The following TAF15 variants were observed in gnomAD, a reference collection of about 807,000 sequenced individuals.
The protein encoded by TAF15 is TATA-box binding protein associated factor 15, also known as TATA-binding protein-associated factor 2N.
Under a neutral mutation model 102.5 loss-of-function variants are expected in TAF15, and 37 were observed. The ratio of observed to expected loss-of-function variants is 0.36; its 90% CI spans 0.28 to 0.47. The LOEUF is 0.47. Among genes scored for constraint, TAF15 ranks in the 20% least tolerant of loss-of-function variants. TAF15 has a pLI of 0.99. For missense variants in TAF15, 652 were observed against 760.7 expected (o/e 0.86, Z 1.68); for synonymous variants, 273 against 259.2 (o/e 1.05, Z -0.51).
chr17:35,827,925 G>A (rs542402953), intron 7 of TAF15, among the ~76,000 whole-genome samples: 5 of 151,816 alleles, frequency 3.3e-5, no homozygotes, highest in African/African-American at 1.2e-4. Context: ...AGCAATTGTA[G>A]CAAAAAAAAA....
rs757219694 is a variant in TAF15, at chr17:35,844,632, G to A, written c.1333G>A (p.Gly445Ser). The stretch of plus-strand genomic sequence containing the variant: ...CTACAGCGGAGATAGAAGTGGGGGC[G>A]GCTATGGTGGAGACAGAAGTGGGGG... ...GGYSGDRSGG[G>S]YGGDRSGGGY... The change falls in exon 15 of 16, where the codon GGC becomes AGC. Residue 445 changes from glycine (G) to serine (S), a missense_variant. By Grantham distance (56) the Gly-to-Ser change is moderately conservative. Transcript: ENST00000605844. 35 of 1,602,958 alleles carry A rather than the reference G, an allele frequency of 2.2e-5. No individual in the cohort carries two copies. The highest frequency in any genetic ancestry group is 2.7e-5 in the Non-Finnish European group (32 of 1,173,388).
At position 35,844,287 on chromosome 17, in the gene TAF15, G is replaced by A. The variant is rs774779964; in HGVS notation, c.1096G>A (p.Gly366Arg). 8.1e-6 allele frequency: 13 copies of A among 1,614,012 alleles called. No homozygotes were observed. Among genetic ancestry groups the A allele is most frequent in the Admixed American group, 1.7e-5 (1 of 60,000 alleles). The change falls in exon 14 of 16, where the codon GGA becomes AGA. Residue 366 changes from glycine to arginine, a missense_variant. By Grantham distance (125) the Gly-to-Arg change is moderately radical. Coordinates refer to ENST00000605844, the MANE Select transcript of TAF15 (RefSeq NM_139215.3). ...ATTTTCCTCCTTTCTTAGGTCATGC[G>A]GAAATATGAACTTTGCTCGAAGGAA... ...GDWVCPNPSC[G>R]NMNFARRNSC... is the part of the protein sequence containing the mutation.
At position 35,844,646 on chromosome 17, in the gene TAF15, C is replaced by CAGAAGTGGGGGTGGCTATGGTGGAGAT. The variant is rs2087591448; in HGVS notation, c.1370_1371insAGATAGAAGTGGGGGTGGCTATGGTGG (p.Ser451_Arg459dup). 6.4e-7 allele frequency: 1 copy of CAGAAGTGGGGGTGGCTATGGTGGAGAT among 1,568,476 alleles called. No homozygotes were observed. Among genetic ancestry groups the CAGAAGTGGGGGTGGCTATGGTGGAGAT allele is most frequent in the African/African-American group, 1.5e-5 (1 of 65,440 alleles). On this transcript the variant is annotated inframe_insertion, in exon 15 of 16. Transcript: ENST00000605844. ...GAAGTGGGGGCGGCTATGGTGGAGACAGAAGTGGGGGTGGCTATGGTGGGG... is the reference window on the plus strand; with the variant it reads ...GAAGTGGGGGCGGCTATGGTGGAGACAGAAGTGGGGGTGGCTATGGTGGAGATAGAAGTGGGGGTGGCTATGGTGGGG...
At chr17:35,844,226 G>T (rs2087581984) in intron 13 of TAF15, 54 bp from the exon 14 acceptor site, 2 of 1,610,032 alleles carry the variant, frequency 1.2e-6, no homozygotes, top group Admixed American at 1.7e-5. Flanking sequence ...ACAGAAAGGG[G>T]TTCTGAGTCC....
intron 8 of TAF15, 116 bp from the exon 9 acceptor site, chr17:35,834,450 C>T (rs2087445817): frequency 1.1e-6 from 1 of 887,474 alleles, no homozygotes; most frequent in Non-Finnish European, 1.8e-6. Context: ...TGATGGTTGA[C>T]TTTCAAGGAT....
Position 35,846,821 on chromosome 17 carries a change from A to G in TAF15, c.1740-85A>G, listed in dbSNP as rs1017917983. On this transcript the variant is annotated intron_variant, in intron 15 of 15. Coordinates refer to ENST00000605844, the MANE Select transcript of TAF15 (RefSeq NM_139215.3). ...TTTAGAAATTGTCTAGCTGATGCCA[A>G]TCACTAGTACCCTGAAGAAGTGTCT... is the stretch of plus-strand genomic sequence containing the variant. 7 of 1,431,070 alleles carry G rather than the reference A, an allele frequency of 4.9e-6. No homozygotes were observed. The Admixed American group carries it at 5.1e-5, about 10-fold the overall frequency. The allele number at this position is 1,431,070 out of a possible 1,614,324, so 88.6% of individuals were successfully genotyped here.
chr17:35,820,104 A>G lies in TAF15; in HGVS notation c.99+29A>G, dbSNP rs761519496. The G allele has an allele frequency of 2.0e-5, 32 of 1,613,820 alleles. No individual in the cohort carries two copies. In the Admixed American group the frequency reaches 5.2e-4, roughly 26 times the overall value. ...GGTTGAAATATAAATTGTATTCTTC[A>G]TAAGTAGTTATTTTTATCTTAAGTA... is the stretch of plus-strand genomic sequence containing the variant. On this transcript the variant is annotated intron_variant, in intron 3 of 15. Coordinates refer to ENST00000605844, the MANE Select transcript of TAF15 (RefSeq NM_139215.3).
intron 12 of TAF15, among the ~76,000 whole-genome samples, chr17:35,843,788 C>T (rs950921046): frequency 1.3e-5 from 2 of 152,076 alleles, no homozygotes; most frequent in Non-Finnish European, 2.9e-5. Flanking sequence ...CACTTTTGGT[C>T]CCAAGTATTT....
chr17:35,809,728 A>G, intron 1 of TAF15, 152 bp downstream of exon 1: 2 of 1,026,906 alleles, frequency 1.9e-6, no homozygotes, highest in East Asian at 2.6e-5. Flanking sequence ...GCCATGTTGA[A>G]CTGGAGGCAC....
chr17:35,835,475 C>T (rs1387518823), intron 9 of TAF15, among the ~76,000 whole-genome samples: 1 of 152,176 alleles, frequency 6.6e-6, no homozygotes, highest in African/African-American at 2.4e-5. Flanking sequence ...TCTATTTGAG[C>T]TAAAAATTTG....
At chr17:35,839,369 A>ATTTTT (rs1250423932) in intron 11 of TAF15, among the ~76,000 whole-genome samples, 2 of 93,888 alleles carry the variant, frequency 2.1e-5, no homozygotes, top group African/African-American at 9.8e-5. Flanking sequence ...GAAGAAATAG[A>ATTTTT]CTTTTTTTTT....
intron 2 of TAF15, among the ~76,000 whole-genome samples, chr17:35,819,498 A>G (rs1486351348): frequency 6.6e-6 from 1 of 152,162 alleles, no homozygotes; most frequent in African/African-American, 2.4e-5. Context: ...TACTGTGGGG[A>G]TAAACATGCC....
chr17:35,834,226 G>T, intron 8 of TAF15: 2 of 383,366 alleles, frequency 5.2e-6, no homozygotes, highest in Non-Finnish European at 9.1e-6. Context: ...ACTGGATTTT[G>T]ACAATTTGTT....
At chr17:35,822,592 A>G in intron 5 of TAF15, 48 bp from the exon 6 acceptor site, 1 of 1,577,014 alleles carries the variant, frequency 6.3e-7, no homozygotes, top group Non-Finnish European at 8.6e-7. Context: ...TTGCTACAGC[A>G]AATGTAATCT....
intron 7 of TAF15, 124 bp downstream of exon 7, chr17:35,824,322 A>G (rs1037017892): frequency 1.5e-6 from 2 of 1,296,888 alleles, no homozygotes; most frequent in African/African-American, 1.5e-5. Context: ...AAGGGATTAT[A>G]TATTGGAGAA....
At chr17:35,843,781 T>G (rs1267228026) in intron 12 of TAF15, among the ~76,000 whole-genome samples, 1 of 152,168 alleles carries the variant, frequency 6.6e-6, no homozygotes. Flanking sequence ...TCAGAGACAC[T>G]TTTGGTCCCA....
chr17:35,844,950 G>A lies in TAF15; in HGVS notation c.1651G>A (p.Gly551Arg), dbSNP rs2087605035. 2 of 1,613,210 alleles carry A rather than the reference G, an allele frequency of 1.2e-6. No individual in the cohort carries two copies. The highest frequency in any genetic ancestry group is 2.7e-5 in the African/African-American group (2 of 74,716). ...TGGAGACCGAAGTGGAGGCTATGGA[G>A]GAGACAGGAGTGGTGGCGGCTATGG... ...YGGDRSGGYG[G>R]DRSGGGYGGD... Residue 551 changes from glycine to arginine, a missense_variant, in exon 15 of 16, where the codon GGA becomes AGA. By Grantham distance (125) the Gly-to-Arg change is moderately radical (BLOSUM62 -2). Transcript: ENST00000605844.
At chr17:35,825,821 G>A (rs2087318324) in intron 7 of TAF15, among the ~76,000 whole-genome samples, 1 of 152,048 alleles carries the variant, frequency 6.6e-6, no homozygotes, top group Non-Finnish European at 1.5e-5. Context: ...GGTGGCAGGC[G>A]CCTGTAGTCG....
intron 7 of TAF15, among the ~76,000 whole-genome samples, chr17:35,832,255 G>A (rs1321778543): frequency 6.6e-6 from 1 of 152,226 alleles, no homozygotes; most frequent in African/African-American, 2.4e-5. Flanking sequence ...AGGAGTCTTA[G>A]AAATTCAGTG....
Sources: allele counts gnomAD v4.1 joint callset (sites outside exome capture counted in the v4.1 genomes callset), GRCh38; gene constraint gnomAD v4.1.1; transcripts MANE v1.5; gene names NCBI Gene and HGNC (gene_info 2026-07-23, HGNC 2026-07-21).